CCDC149: variants seen among roughly 807,000 people sequenced by gnomAD.
CCDC149 encodes coiled-coil domain-containing protein 149.
CCDC149 carries 45 observed loss-of-function variants against 59.9 expected under a neutral mutation model. That is an observed-to-expected ratio of 0.75 (90% CI 0.59 to 0.96). CCDC149 has a LOEUF of 0.96. Among genes scored for constraint, CCDC149 ranks in the 40% least tolerant of loss-of-function variants. The pLI is 0.00. For synonymous variants in CCDC149, 245 were observed against 260.6 expected (o/e 0.94, Z 0.58); for missense variants, 584 against 664.7 (o/e 0.88, Z 1.33).
intron 1 of CCDC149, among the ~76,000 whole-genome samples, chr4:24,905,414 CGTGTGTGTGTGTGTGTGTGTGTGT>C (rs1163234474): frequency 1.3e-5 from 1 of 78,652 alleles, no homozygotes; most frequent in African/African-American, 4.7e-5. Context: ...TGCGTGCGTG[CGTGTGTGTGTGTGTGTGTGTGTGT>C]GTGTGTGTGT....
intron 1 of CCDC149, among the ~76,000 whole-genome samples, chr4:24,937,521 A>G (rs1722819129): frequency 6.6e-6 from 1 of 152,218 alleles, no homozygotes; most frequent in South Asian, 2.1e-4. Context: ...AGGCCTAGCT[A>G]AAAAAGATTT....
chr4:24,855,691 C>T (rs186300917), intron 3 of CCDC149, among the ~76,000 whole-genome samples: 5 of 152,294 alleles, frequency 3.3e-5, no homozygotes, highest in Admixed American at 2.6e-4. Context: ...GTAACTCCAT[C>T]GAATTTTTCA....
intron 2 of CCDC149, among the ~76,000 whole-genome samples, chr4:24,874,262 TTTG>T (rs1560230574): frequency 2.8e-5 from 1 of 35,702 alleles, no homozygotes; most frequent in African/African-American, 7.8e-5. Flanking sequence ...TTTTTTTTGT[TTTG>T]TTTTTTTTTG....
chr4:24,804,959 G>A (rs956485544), downstream of CCDC149, among the ~76,000 whole-genome samples: 1 of 152,168 alleles, frequency 6.6e-6, no homozygotes, highest in Non-Finnish European at 1.5e-5. Flanking sequence ...GAGGCTTTGG[G>A]AATAGCTGTG....
chr4:24,912,902 C>A lies in CCDC149; in HGVS notation c.-23G>T. ...CATGCGCTGGCCGGCCTCCTGGACC[C>A]CCGCCGCCTCCTCCTCCTCGCGACG... On this transcript the variant is annotated 5_prime_UTR_variant, in exon 1 of 13. Coordinates refer to ENST00000635206, the MANE Select transcript of CCDC149 (RefSeq NM_001330643.2). 1.5e-6 allele frequency: 2 copies of A among 1,296,686 alleles called. No homozygotes were observed. Among genetic ancestry groups the A allele is most frequent in the Non-Finnish European group, 2.0e-6 (2 of 998,848 alleles). The allele number at this position is 1,296,686 out of a possible 1,614,324, so 80.3% of individuals were successfully genotyped here.
intron 1 of CCDC149, among the ~76,000 whole-genome samples, chr4:24,960,906 T>C (rs6822639): frequency 0.18 from 26,638 of 152,084 alleles, 3,147 homozygotes; most frequent in African/African-American, 0.32. Context: ...TTTGACCAAA[T>C]TGAAATTTTT....
rs567321024 is a variant in CCDC149 at position 24,860,388 on chromosome 4, C to T, written c.265-7209G>A. Among the ~76,000 whole-genome samples, 21 of 152,168 alleles carry T rather than the reference C, an allele frequency of 1.4e-4. No individual in the cohort carries two copies. The South Asian group carries it at 2.9e-3, about 21-fold the overall frequency. The stretch of plus-strand genomic sequence containing the variant: ...AACGGTGCTGTGATAATTGGAAAGG[C>T]GCACGTAGAGGAATGAAATTGGATC... On this transcript the variant is annotated intron_variant, in intron 3 of 12. Transcript: ENST00000635206.
chr4:24,931,829 G>GTGTATATATATATATATA (rs1373905167), intron 1 of CCDC149, among the ~76,000 whole-genome samples: 1 of 76,908 alleles, frequency 1.3e-5, no homozygotes, highest in African/African-American at 6.1e-5. Context: ...TGGAGAGTAT[G>GTGTATATATATATATATA]TATATATATA....
chr4:24,876,892 C>T (rs558172435), intron 1 of CCDC149, among the ~76,000 whole-genome samples, 195 bp from the exon 2 acceptor site: 2 of 152,332 alleles, frequency 1.3e-5, no homozygotes, highest in South Asian at 4.1e-4. Context: ...GCCCTCATGA[C>T]AGAACCTAAA....
intron 1 of CCDC149, among the ~76,000 whole-genome samples, chr4:24,954,579 C>A (rs1314302484): frequency 1.3e-5 from 2 of 152,230 alleles, no homozygotes; most frequent in African/African-American, 4.8e-5. Flanking sequence ...GTGGCTTGAG[C>A]TGCACCTAGG....
intron 3 of CCDC149, among the ~76,000 whole-genome samples, chr4:24,866,375 G>C (rs1490572278): frequency 6.6e-6 from 1 of 152,120 alleles, no homozygotes; most frequent in Non-Finnish European, 1.5e-5. Flanking sequence ...TTTTCACCGG[G>C]AAAATGTACC....
chr4:24,906,590 G>T (rs1721551698), intron 1 of CCDC149, among the ~76,000 whole-genome samples: 1 of 151,658 alleles, frequency 6.6e-6, no homozygotes, highest in African/African-American at 2.4e-5. Flanking sequence ...TAGAGACGAG[G>T]TTTTGCCATG....
intron 1 of CCDC149, among the ~76,000 whole-genome samples, chr4:24,958,003 G>T (rs978791207): frequency 1.2e-4 from 19 of 152,100 alleles, no homozygotes; most frequent in African/African-American, 4.6e-4. Flanking sequence ...ACAACCAAAG[G>T]GGCTGGTGCC....
downstream of CCDC149, among the ~76,000 whole-genome samples, chr4:24,805,845 C>T (rs114786078): frequency 0.012 from 1,783 of 152,248 alleles, 29 homozygotes; most frequent in African/African-American, 0.04. Flanking sequence ...GCAGCCACCT[C>T]GTTATCATGA....
intron 12 of CCDC149, among the ~76,000 whole-genome samples, chr4:24,811,648 G>A (rs1051348645): frequency 2.6e-5 from 4 of 152,066 alleles, no homozygotes; most frequent in Non-Finnish European, 4.4e-5. Context: ...TGAGGCGGGC[G>A]GATCACCTGA....
chr4:24,969,261 G>A (rs1723890870), intron 1 of CCDC149, among the ~76,000 whole-genome samples: 1 of 152,222 alleles, frequency 6.6e-6, no homozygotes, highest in Non-Finnish European at 1.5e-5. Context: ...CACTGCTGAA[G>A]TCACAAGGGT....
chr4:24,818,462 A>G (rs1715155854), intron 12 of CCDC149, among the ~76,000 whole-genome samples: 1 of 152,222 alleles, frequency 6.6e-6, no homozygotes, highest in Admixed American at 6.5e-5. Flanking sequence ...ATGGATGTAT[A>G]TTGTTTATCT....
At chr4:24,967,187 A>G (rs925426751) in intron 1 of CCDC149, among the ~76,000 whole-genome samples, 10 of 152,154 alleles carry the variant, frequency 6.6e-5, no homozygotes, top group African/African-American at 2.2e-4. Flanking sequence ...ATTCGGACTG[A>G]GTGCATGTGA....
intron 1 of CCDC149, among the ~76,000 whole-genome samples, chr4:24,954,590 C>A (rs1723408710): frequency 6.6e-6 from 1 of 152,208 alleles, no homozygotes; most frequent in Admixed American, 6.5e-5. Flanking sequence ...TGCACCTAGG[C>A]CCACTTGAGC....
Sources: gnomAD v4.1 joint callset for allele counts (sites outside exome capture counted in the v4.1 genomes callset) on GRCh38, gnomAD v4.1.1 for gene constraint, MANE v1.5 for transcripts, NCBI Gene and HGNC (gene_info 2026-07-23, HGNC 2026-07-21) for gene names.